The following DLGAP5 variants were observed in gnomAD, a reference collection of about 807,000 sequenced individuals.
DLGAP5 encodes the protein disks large-associated protein 5.
Under a neutral mutation model 99.6 loss-of-function variants are expected in DLGAP5, and 90 were observed. The ratio of observed to expected loss-of-function variants is 0.90; its 90% CI spans 0.76 to 1.08. DLGAP5 has a LOEUF of 1.08. Among genes scored for constraint, DLGAP5 ranks in the 50% least tolerant of loss-of-function variants. The pLI is 0.00. For missense variants in DLGAP5, 1,036 were observed against 983.5 expected, an observed-to-expected ratio of 1.05 and a Z score of -0.71; for synonymous variants, 311 against 321.3, an observed-to-expected ratio of 0.97 and a Z score of 0.34.
At chr14:55,191,230 C>G (rs1311876841) in intron 1 of DLGAP5, 1 of 152,200 alleles carries the variant, frequency 6.6e-6, no homozygotes, top group African/African-American at 2.4e-5. Flanking sequence ...CAGTTTCACC[C>G]CAAAGGTCAA....
chr14:55,177,673 G>T (rs1883127111), intron 7 of DLGAP5, among the ~76,000 whole-genome samples: 1 of 151,826 alleles, frequency 6.6e-6, no homozygotes, highest in African/African-American at 2.4e-5. Flanking sequence ...AAGTAGCTGG[G>T]ACTACAGACG....
At chr14:55,151,109 A>C (rs1882001353) in intron 17 of DLGAP5, among the ~76,000 whole-genome samples, 1 of 152,234 alleles carries the variant, frequency 6.6e-6, no homozygotes, top group Non-Finnish European at 1.5e-5. Context: ...CAGCTGGAGG[A>C]CATTAAATGT....
At chr14:55,185,374 C>T (rs1316078333) in intron 2 of DLGAP5, among the ~76,000 whole-genome samples, 8 of 151,912 alleles carry the variant, frequency 5.3e-5, no homozygotes, top group African/African-American at 1.9e-4. Flanking sequence ...TAATTTTTTG[C>T]ATTTTTAGTA....
rs1883347169 is a variant in DLGAP5 at position 55,183,746 on chromosome 14, CATTG to C, written c.242_245del (p.Ala81GlyfsTer5). The C allele has an allele frequency of 3.1e-6, 5 of 1,587,916 alleles. No individual in the cohort carries two copies. On this transcript the variant is annotated frameshift_variant, in exon 3 of 19. Transcript: ENST00000247191. LOFTEE classifies it high-confidence loss of function. The stretch of plus-strand genomic sequence containing the variant: ...TTCGTTGATCACCTAGAATAGTTTT[CATTG>C]CCCCTAGGCAGAAAAAAAACCAAAA...
At chr14:55,162,667 G>A (rs549741904) in intron 13 of DLGAP5, among the ~76,000 whole-genome samples, 6 of 151,316 alleles carry the variant, frequency 4.0e-5, no homozygotes, top group African/African-American at 9.7e-5. Context: ...CATATATCCA[G>A]TATGTGGTAA....
At chr14:55,157,583 G>GA (rs370497852) in intron 14 of DLGAP5, among the ~76,000 whole-genome samples, 1 of 151,486 alleles carries the variant, frequency 6.6e-6, no homozygotes, top group Admixed American at 6.6e-5. Flanking sequence ...ATAGTCTGTG[G>GA]AAAAAAAAGC....
Position 55,181,279 on chromosome 14 carries a change from C to T in DLGAP5, c.514G>A (p.Val172Ile), listed in dbSNP as rs1425745825. 2 of 1,614,060 alleles carry T rather than the reference C, an allele frequency of 1.2e-6. No individual in the cohort carries two copies. Among genetic ancestry groups the T allele is most frequent in the Middle Eastern group, 1.7e-4 (1 of 6,060 alleles). ...EQTKIDNESD[V>I]RAIRPGPRQT... ...CTTGGACCAGGTCGGATTGCTCGAACATCACTCTCGTTATCAATCTATTTA... is the reference window on the plus strand; with the variant it reads ...CTTGGACCAGGTCGGATTGCTCGAATATCACTCTCGTTATCAATCTATTTA... The change falls in exon 5 of 19, where the codon GTT (valine) becomes ATT (isoleucine). Residue 172 changes from valine to isoleucine, a missense_variant. Transcript: ENST00000247191.
At chr14:55,180,290 AC>A (rs531988763) in intron 6 of DLGAP5, among the ~76,000 whole-genome samples, 206 of 152,312 alleles carry the variant, frequency 1.4e-3, no homozygotes, top group Non-Finnish European at 2.5e-3. Flanking sequence ...CTGCGATCCT[AC>A]TGTTCAGAGT....
rs80168189 is a variant in DLGAP5, at chr14:55,170,755, G to C, written c.1334C>G (p.Thr445Ser). 5.3e-4 allele frequency: 854 copies of C among 1,613,654 alleles called. 7 individuals are homozygous for C. In the East Asian group the frequency reaches 0.019, roughly 35 times the overall value. ...NILQSETEKL[T>S]SHCFEWDRKL... ...CCTGTCCCACTCGAAGCAATGTGAA[G>C]TTAATTTCTCAGTTTCTGACTGGAG... Residue 445 changes from threonine to serine, a missense_variant, in exon 11 of 19, where the codon ACT becomes AGT. By Grantham distance (58) the Thr-to-Ser change is moderately conservative. Transcript: ENST00000247191.
intron 8 of DLGAP5, 61 bp from the exon 9 acceptor site, chr14:55,176,079 G>A: frequency 6.3e-6 from 9 of 1,419,032 alleles, no homozygotes; most frequent in African/African-American, 1.4e-5. Context: ...TAATATAAAG[G>A]GTTTCAAAAT....
In DLGAP5 at chr14:55,183,715, T is replaced by C; in HGVS notation, c.277A>G (p.Met93Val). 2 of 1,606,534 alleles carry C rather than the reference T, an allele frequency of 1.2e-6. No homozygotes were observed. The highest frequency in any genetic ancestry group is 8.5e-7 in the Non-Finnish European group (1 of 1,177,074). ...KTILGDQRKQ[M>V]LQKYKEEKQL... ...TTTTCTTCTTTGTATTTTTGGAGCA[T>C]CTGTTTTCGTTGATCACCTAGAATA... The change falls in exon 3 of 19, where the codon ATG becomes GTG. Residue 93 changes from methionine (M) to valine (V), a missense_variant. Met to Val is a conservative substitution (Grantham distance 21). Coordinates refer to ENST00000247191, the MANE Select transcript of DLGAP5 (RefSeq NM_014750.5).
At chr14:55,169,360 A>AAG in intron 12 of DLGAP5, 39 bp downstream of exon 12, 2 of 1,285,360 alleles carry the variant, frequency 1.6e-6, no homozygotes, top group Admixed American at 3.0e-5. Flanking sequence ...AAAAAAAAAA[A>AAG]GCCCTAAGTT....
chr14:55,171,983 T>G (rs11845848), intron 10 of DLGAP5, among the ~76,000 whole-genome samples: 43,224 of 151,890 alleles, frequency 0.28, 11,760 homozygotes, highest in African/African-American at 0.72. Flanking sequence ...GGGAGTTATT[T>G]TTTAGTAGGT....
At chr14:55,181,345 G>T in intron 4 of DLGAP5, 48 bp from the exon 5 acceptor site, 1 of 1,459,360 alleles carries the variant, frequency 6.9e-7, no homozygotes, top group Non-Finnish European at 9.5e-7. Context: ...TAATGAATCA[G>T]ACCATCATAT....
intron 15 of DLGAP5, 46 bp downstream of exon 15, chr14:55,154,571 T>C (rs1379983589): frequency 1.4e-6 from 2 of 1,467,252 alleles, no homozygotes; most frequent in African/African-American, 2.8e-5. Flanking sequence ...AAATGGTATT[T>C]AGTATCAGCA....
Position 55,182,412 on chromosome 14 carries a change from C to T in DLGAP5, c.453G>A (p.Arg151=), listed in dbSNP as rs1416098544. 4 of 1,612,776 alleles carry T rather than the reference C, an allele frequency of 2.5e-6. No homozygotes were observed. Among genetic ancestry groups the T allele is most frequent in the Non-Finnish European group, 3.4e-6 (4 of 1,179,240 alleles). Reference sequence around the variant, plus strand: ...GGTCTTTGGCCTTTGACCTTGTAATCCGTACAGAAGATGGAATAGCCTTAG... The same window carrying T: ...GGTCTTTGGCCTTTGACCTTGTAATTCGTACAGAAGATGGAATAGCCTTAG... The part of the protein sequence containing the change: ...EPKKAIPSSV[R]ITRSKAKDQM... Residue 151 remains arginine (R), a synonymous_variant, in exon 4 of 19, where the codon CGG becomes CGA. Coordinates refer to ENST00000247191, the MANE Select transcript of DLGAP5 (RefSeq NM_014750.5).
intron 10 of DLGAP5, among the ~76,000 whole-genome samples, chr14:55,173,466 A>G (rs962337718): frequency 2.6e-5 from 4 of 152,076 alleles, no homozygotes; most frequent in African/African-American, 9.7e-5. Context: ...CTCAAAAAGT[A>G]TATTTATAAT....
At chr14:55,159,472 T>C (rs983792199) in intron 13 of DLGAP5, among the ~76,000 whole-genome samples, 13 of 152,116 alleles carry the variant, frequency 8.5e-5, no homozygotes, top group African/African-American at 2.9e-4. Context: ...ATTTGAAAGG[T>C]AGAATTGAGA....
chr14:55,165,436 T>C (rs190227801), intron 12 of DLGAP5, among the ~76,000 whole-genome samples: 11 of 151,158 alleles, frequency 7.3e-5, no homozygotes, highest in South Asian at 4.2e-4. Flanking sequence ...AGCAGGAGGG[T>C]TGTTTGAGCC....
Sources: allele counts gnomAD v4.1 joint callset (sites outside exome capture counted in the v4.1 genomes callset), GRCh38; gene constraint gnomAD v4.1.1; transcripts MANE v1.5; gene names NCBI Gene and HGNC (gene_info 2026-07-23, HGNC 2026-07-21).